The following ADRA1B variants were observed in gnomAD, a reference collection of about 807,000 sequenced individuals.
The protein encoded by ADRA1B is adrenoceptor alpha 1B.
In ADRA1B, 17 loss-of-function variants were observed where a neutral mutation model predicts 17.9. That is an observed-to-expected ratio of 0.95 (90% CI 0.65 to 1.42). ADRA1B has a LOEUF of 1.42. Among genes scored for constraint, ADRA1B ranks in the 40% most tolerant of loss-of-function variants. The pLI is 0.00. For missense variants in ADRA1B, 681 were observed against 722.1 expected, an observed-to-expected ratio of 0.94 and a Z score of 0.65; for synonymous variants, 366 against 327.6, an observed-to-expected ratio of 1.12 and a Z score of -1.27.
At chr5:159,877,745 C>A (rs1276296211) in intron 1 of ADRA1B, among the ~76,000 whole-genome samples, 1 of 152,210 alleles carries the variant, frequency 6.6e-6, no homozygotes, top group African/African-American at 2.4e-5. Context: ...AGTAAGGAAT[C>A]CAAAGCTCAG....
intron 1 of ADRA1B, among the ~76,000 whole-genome samples, chr5:159,876,896 G>A (rs1753810140): frequency 6.6e-6 from 1 of 152,122 alleles, no homozygotes; most frequent in Non-Finnish European, 1.5e-5. Context: ...CACCGTTAGG[G>A]GCCTGGCGCT....
At chr5:159,876,648 G>A (rs1753805766) in intron 1 of ADRA1B, among the ~76,000 whole-genome samples, 1 of 152,190 alleles carries the variant, frequency 6.6e-6, no homozygotes, top group Non-Finnish European at 1.5e-5. Flanking sequence ...GGGGAGAATG[G>A]TAAGTATGGG....
chr5:159,865,175 G>A (rs1349732379), exon 1 of ADRA1B: 4 of 152,144 alleles, frequency 2.6e-5, no homozygotes, highest in Non-Finnish European at 4.4e-5. Context: ...TCACAGAAAC[G>A]GGGCGCACTT....
intron 1 of ADRA1B, among the ~76,000 whole-genome samples, chr5:159,952,149 A>T (rs894339986): frequency 1.1e-4 from 16 of 152,148 alleles, no homozygotes; most frequent in South Asian, 6.2e-4. Context: ...CTTTTGGTAC[A>T]GGAGGCCCTT....
chr5:159,945,102 G>A (rs118136972), intron 1 of ADRA1B, among the ~76,000 whole-genome samples: 5 of 152,154 alleles, frequency 3.3e-5, no homozygotes, highest in South Asian at 2.1e-4. Flanking sequence ...AAAGAGGGCC[G>A]GGTGCGGTGG....
chr5:159,941,405 T>C (rs1316195069), intron 1 of ADRA1B, among the ~76,000 whole-genome samples: 37 of 152,238 alleles, frequency 2.4e-4, no homozygotes, highest in Non-Finnish European at 1.0e-4. Flanking sequence ...TTCCTTGTTC[T>C]TGTTCTAAAA....
At chr5:159,984,789 A>G in the ADRA1B span, among the ~76,000 whole-genome samples, 1 of 151,780 alleles carries the variant, frequency 6.6e-6, no homozygotes, top group African/African-American at 2.4e-5. Flanking sequence ...AGTGTCTACA[A>G]TCCCAGCTAC....
At chr5:159,975,995 G>C (rs1004416179), downstream of ADRA1B, among the ~76,000 whole-genome samples, 1 of 152,196 alleles carries the variant, frequency 6.6e-6, no homozygotes, top group Non-Finnish European at 1.5e-5. Flanking sequence ...TCCAGACCTG[G>C]ACTCAAATTC....
chr5:159,947,800 G>C, intron 1 of ADRA1B: 12 of 985,408 alleles, frequency 1.2e-5, no homozygotes, highest in Non-Finnish European at 1.3e-5. Context: ...CCACGTGAGG[G>C]ACACGGGAGC....
chr5:159,984,031 T>C, the ADRA1B span, among the ~76,000 whole-genome samples: 2 of 152,002 alleles, frequency 1.3e-5, no homozygotes, highest in Non-Finnish European at 2.9e-5. Flanking sequence ...CTCAGCAACA[T>C]TTGGTGTGAC....
At chr5:159,870,182 G>T (rs1404123637) in intron 1 of ADRA1B, 2 of 152,180 alleles carry the variant, frequency 1.3e-5, no homozygotes, top group Non-Finnish European at 2.9e-5. Context: ...TACAGGGAAG[G>T]GTTCTCTGAG....
At chr5:159,919,776 G>A (rs556565797) in intron 1 of ADRA1B, among the ~76,000 whole-genome samples, 7 of 152,354 alleles carry the variant, frequency 4.6e-5, no homozygotes, top group Middle Eastern at 3.4e-3. Flanking sequence ...TCAGCAGGAT[G>A]CAGGAATGGA....
chr5:159,950,926 A>C, intron 1 of ADRA1B: 2 of 567,092 alleles, frequency 3.5e-6, no homozygotes, highest in South Asian at 3.4e-5. Context: ...ACAGTTTCCC[A>C]GAGAGGCCAT....
intron 1 of ADRA1B, among the ~76,000 whole-genome samples, chr5:159,921,290 C>T (rs1469378529): frequency 2.0e-5 from 3 of 152,132 alleles, no homozygotes; most frequent in African/African-American, 2.4e-5. Flanking sequence ...ATGGACTCCA[C>T]CAAACAAGGA....
chr5:159,928,677 C>T (rs1754722982), intron 1 of ADRA1B, among the ~76,000 whole-genome samples: 1 of 152,164 alleles, frequency 6.6e-6, no homozygotes, highest in Non-Finnish European at 1.5e-5. Context: ...GACAGAGTTT[C>T]CTGCCAGGCT....
At chr5:159,909,389 T>TA (rs1171023921) in intron 1 of ADRA1B, among the ~76,000 whole-genome samples, 1 of 152,188 alleles carries the variant, frequency 6.6e-6, no homozygotes, top group Non-Finnish European at 1.5e-5. Flanking sequence ...TTTGTCCAGA[T>TA]ACAATTTTTG....
At chr5:159,965,746 C>G (rs1014248211) in intron 1 of ADRA1B, among the ~76,000 whole-genome samples, 3 of 152,174 alleles carry the variant, frequency 2.0e-5, no homozygotes, top group African/African-American at 7.2e-5. Context: ...CACACTGCCC[C>G]GCTGTGGTGA....
At chr5:159,987,085 G>A in the ADRA1B span, among the ~76,000 whole-genome samples, 2 of 152,222 alleles carry the variant, frequency 1.3e-5, no homozygotes, top group Non-Finnish European at 2.9e-5. Context: ...CCTGCCCCCA[G>A]CGGCGGGGGA....
intron 1 of ADRA1B, among the ~76,000 whole-genome samples, chr5:159,967,966 G>A (rs1755804986): frequency 1.3e-5 from 2 of 152,130 alleles, no homozygotes; most frequent in Admixed American, 1.3e-4. Flanking sequence ...CGCAGACATA[G>A]GGGGAAAGTA....
Sources: allele counts gnomAD v4.1 joint callset (sites outside exome capture counted in the v4.1 genomes callset), GRCh38; gene constraint gnomAD v4.1.1; transcripts MANE v1.5; gene names NCBI Gene and HGNC (gene_info 2026-07-23, HGNC 2026-07-21).